The following STK32C variants were observed in gnomAD, a reference collection of about 807,000 sequenced individuals.
The protein encoded by STK32C is serine/threonine kinase 32C.
A neutral mutation model predicts 56.5 loss-of-function variants in STK32C; 31 were observed. The ratio of observed to expected loss-of-function variants is 0.55; its 90% CI spans 0.41 to 0.74. The LOEUF is 0.74. STK32C is among the 30% of genes least tolerant of loss of function. The pLI is 0.00. For missense variants in STK32C, 544 were observed against 676.9 expected (o/e 0.80, Z 2.18); for synonymous variants, 309 against 289.4 (o/e 1.07, Z -0.69).
intron 2 of STK32C, 105 bp from the exon 3 acceptor site, chr10:132,228,233 A>G (rs778621243): frequency 2.3e-5 from 34 of 1,501,504 alleles, no homozygotes; most frequent in Non-Finnish European, 3.0e-5. Context: ...GTCAGGACAC[A>G]AGGGGACACC....
intron 1 of STK32C, among the ~76,000 whole-genome samples, chr10:132,261,164 A>T (rs1288137463): frequency 6.6e-6 from 1 of 151,942 alleles, no homozygotes; most frequent in Non-Finnish European, 1.5e-5. Flanking sequence ...GGGGACTACG[A>T]GCTTAGGCCT....
chr10:132,254,035 C>T (rs966934520), intron 1 of STK32C, among the ~76,000 whole-genome samples: 6 of 152,310 alleles, frequency 3.9e-5, no homozygotes, highest in African/African-American at 1.4e-4. Context: ...TCAGGCAGGG[C>T]GCGGTGGCTC....
upstream of STK32C, among the ~76,000 whole-genome samples, chr10:132,312,728 A>G: frequency 6.6e-6 from 1 of 152,134 alleles, no homozygotes; most frequent in Non-Finnish European, 1.5e-5. Flanking sequence ...GGCCAAGGAA[A>G]CTCCAGAAAA....
At chr10:132,274,140 G>A (rs996654653) in intron 1 of STK32C, among the ~76,000 whole-genome samples, 3 of 152,222 alleles carry the variant, frequency 2.0e-5, no homozygotes, top group African/African-American at 7.2e-5. Context: ...ATGCCTGCGG[G>A]GTCATTGCTC....
intron 2 of STK32C, among the ~76,000 whole-genome samples, chr10:132,234,482 G>C (rs1031317095): frequency 2.0e-5 from 3 of 152,172 alleles, no homozygotes; most frequent in African/African-American, 7.2e-5. Flanking sequence ...ATGAATTCTT[G>C]GGGGGACTCT....
intron 1 of STK32C, among the ~76,000 whole-genome samples, chr10:132,306,686 C>T (rs1293016972): frequency 6.6e-6 from 1 of 152,246 alleles, no homozygotes; most frequent in African/African-American, 2.4e-5. Flanking sequence ...ATGAAAAATG[C>T]ACATTTCAAG....
chr10:132,331,574 C>T, exon 1 of STK32C: 1 of 1,612,918 alleles, frequency 6.2e-7, no homozygotes, highest in Non-Finnish European at 8.5e-7. Context: ...GAAGTGGCTC[C>T]AGGAAGCCCC....
At chr10:132,221,927 T>G (rs1391980886) in intron 10 of STK32C, among the ~76,000 whole-genome samples, 1 of 146,880 alleles carries the variant, frequency 6.8e-6, no homozygotes, top group Non-Finnish European at 1.5e-5. Flanking sequence ...CACGTGGCCA[T>G]CCCCACACAC....
chr10:132,295,368 GAA>G (rs1406754575), intron 1 of STK32C, among the ~76,000 whole-genome samples: 3 of 152,204 alleles, frequency 2.0e-5, no homozygotes, highest in Non-Finnish European at 4.4e-5. Flanking sequence ...CCGAATGTGA[GAA>G]AGTGATCAGA....
chr10:132,239,612 G>T (rs931210774), intron 2 of STK32C, among the ~76,000 whole-genome samples: 7 of 152,350 alleles, frequency 4.6e-5, no homozygotes, highest in African/African-American at 1.7e-4. Flanking sequence ...TGTGCTGCTG[G>T]AAAGTGGGGG....
intron 1 of STK32C, among the ~76,000 whole-genome samples, chr10:132,263,327 C>A (rs891241895): frequency 6.6e-6 from 1 of 152,154 alleles, no homozygotes; most frequent in Non-Finnish European, 1.5e-5. Context: ...TCCTAAGCGA[C>A]TTAATGCAGG....
At chr10:132,315,387 T>A (rs886497039) in intron 1 of STK32C, among the ~76,000 whole-genome samples, 1 of 152,116 alleles carries the variant, frequency 6.6e-6, no homozygotes, top group Non-Finnish European at 1.5e-5. Context: ...AAAACCTAGA[T>A]GATGGGTTGA....
At chr10:132,252,457 A>G (rs1186597530) in intron 1 of STK32C, among the ~76,000 whole-genome samples, 1 of 152,282 alleles carries the variant, frequency 6.6e-6, no homozygotes, top group Non-Finnish European at 1.5e-5. Flanking sequence ...TACGCCGTGC[A>G]GTGATGCTGT....
chr10:132,287,787 T>A (rs2065452906), intron 1 of STK32C, among the ~76,000 whole-genome samples: 2 of 152,120 alleles, frequency 1.3e-5, no homozygotes, highest in Non-Finnish European at 2.9e-5. Flanking sequence ...CCATTCTCCC[T>A]GAATTGATCT....
chr10:132,208,183 T>G (rs371622747), intron 11 of STK32C, 32 bp from the exon 12 acceptor site: 3 of 1,304,994 alleles, frequency 2.3e-6, no homozygotes, highest in Non-Finnish European at 2.9e-6. Context: ...GAGGGCGTTA[T>G]GCCCCCACCT....
chr10:132,331,059 G>A (rs1178222237), intron 1 of STK32C, among the ~76,000 whole-genome samples: 2 of 151,384 alleles, frequency 1.3e-5, no homozygotes, highest in Non-Finnish European at 2.9e-5. Context: ...AAATTAGCTG[G>A]ACGTGGTGGC....
rs754415105 is a variant in STK32C, at chr10:132,225,236, T to A, written c.873A>T (p.Gly291=). 3.1e-6 allele frequency: 5 copies of A among 1,607,858 alleles called. No individual in the cohort carries two copies. The Admixed American group carries it at 8.4e-5, about 27-fold the overall frequency. ...AGGGGCTGCAGGGGGTCCATACCCA[T>A]CCTCGCAGCAGCTCATAGGCCATCA... ...VGVMAYELLR[G]WRPYDIHSSN... is the part of the protein sequence containing the mutation. The change falls in exon 7 of 12, where the codon GGA becomes GGT. Residue 291 remains glycine (G), a synonymous_variant. Transcript: ENST00000298630.
chr10:132,249,193 G>A, intron 1 of STK32C: 1 of 371,760 alleles, frequency 2.7e-6, no homozygotes, highest in South Asian at 2.0e-5. Context: ...GGGCGTGTCA[G>A]GGGCGGGGCC....
chr10:132,243,852 G>A (rs1041457026), intron 2 of STK32C, among the ~76,000 whole-genome samples: 1 of 152,140 alleles, frequency 6.6e-6, no homozygotes, highest in Non-Finnish European at 1.5e-5. Context: ...GCTCTGCCAG[G>A]GGATCCCACC....
Sources: allele counts gnomAD v4.1 joint callset (sites outside exome capture counted in the v4.1 genomes callset), GRCh38; gene constraint gnomAD v4.1.1; transcripts MANE v1.5; gene names NCBI Gene and HGNC (gene_info 2026-07-23, HGNC 2026-07-21).